Variants in IPO11 observed in about 807,000 individuals in gnomAD.
IPO11 encodes the protein importin-11.
In IPO11, 66 loss-of-function variants were observed where a neutral mutation model predicts 143.2. The observed-to-expected ratio is 0.46, with a 90% CI of 0.38 to 0.57. IPO11 has a LOEUF of 0.57. Ranked by LOEUF, IPO11 falls within the 20% of genes least tolerant of loss-of-function variation. The pLI is 0.00. For synonymous variants in IPO11, 385 were observed against 377.8 expected (o/e 1.02, Z -0.22); for missense variants, 1,026 against 1,141.0 (o/e 0.90, Z 1.45).
chr5:62,503,938 C>T (rs1741450073), intron 16 of IPO11, among the ~76,000 whole-genome samples: 1 of 152,298 alleles, frequency 6.6e-6, no homozygotes, highest in Admixed American at 6.5e-5. Context: ...GATATATTAT[C>T]TCACAGATTG....
intron 27 of IPO11, among the ~76,000 whole-genome samples, chr5:62,573,874 G>A (rs969081568): frequency 8.5e-5 from 13 of 152,126 alleles, no homozygotes; most frequent in African/African-American, 2.9e-4. Context: ...CTTCAGCACT[G>A]GTGGCTTAAC....
intron 26 of IPO11, among the ~76,000 whole-genome samples, chr5:62,558,249 CAT>C (rs546086604): frequency 1.1e-3 from 172 of 152,246 alleles, no homozygotes; most frequent in African/African-American, 3.8e-3. Context: ...ATTGTAAACA[CAT>C]GTTTTGAATC....
At chr5:62,541,680 CA>C (rs891837949) in intron 24 of IPO11, among the ~76,000 whole-genome samples, 85 of 135,594 alleles carry the variant, frequency 6.3e-4, no homozygotes, top group Admixed American at 8.1e-4. Flanking sequence ...GACCCTGTTT[CA>C]AAAAAAAAAA....
At chr5:62,571,689 T>C (rs1011030012) in intron 27 of IPO11, among the ~76,000 whole-genome samples, 2 of 140,958 alleles carry the variant, frequency 1.4e-5, no homozygotes, top group African/African-American at 5.2e-5. Context: ...ATTATTAAAC[T>C]TTTTTTTTTT....
chr5:62,431,607 A>T (rs1743990035), intron 1 of IPO11, among the ~76,000 whole-genome samples: 1 of 152,094 alleles, frequency 6.6e-6, no homozygotes, highest in South Asian at 2.1e-4. Context: ...AGTCAAGATG[A>T]TGCCAGCTGT....
At chr5:62,567,837 C>G (rs1233502536) in intron 27 of IPO11, among the ~76,000 whole-genome samples, 2 of 151,778 alleles carry the variant, frequency 1.3e-5, no homozygotes, top group Admixed American at 6.6e-5. Context: ...GCTGGGATTA[C>G]AGGCGTGAGC....
intron 12 of IPO11, among the ~76,000 whole-genome samples, chr5:62,486,379 G>C (rs1369827349): frequency 6.6e-6 from 1 of 152,112 alleles, no homozygotes; most frequent in Admixed American, 6.5e-5. Context: ...GAAAATGTTT[G>C]TCAAACTGAA....
intron 27 of IPO11, among the ~76,000 whole-genome samples, chr5:62,591,323 C>CT (rs1350652961): frequency 6.6e-6 from 1 of 151,850 alleles, no homozygotes; most frequent in African/African-American, 2.4e-5. Context: ...TGTTATAAAT[C>CT]TAAGAATATT....
chr5:62,496,202 C>T (rs565784281), intron 16 of IPO11, among the ~76,000 whole-genome samples: 11 of 151,608 alleles, frequency 7.3e-5, no homozygotes, highest in Admixed American at 2.0e-4. Context: ...GCAGGAGAAT[C>T]GCTTGAACCT....
At chr5:62,521,090 T>C (rs1742187100) in intron 20 of IPO11, among the ~76,000 whole-genome samples, 1 of 152,250 alleles carries the variant, frequency 6.6e-6, no homozygotes, top group South Asian at 2.1e-4. Flanking sequence ...TTATGTGCTC[T>C]AGTTTGGACT....
At chr5:62,568,471 G>A (rs1580334045) in intron 27 of IPO11, among the ~76,000 whole-genome samples, 1 of 149,436 alleles carries the variant, frequency 6.7e-6, no homozygotes, top group Non-Finnish European at 1.5e-5. Flanking sequence ...CTACTCGGGA[G>A]GCTGAGGCTG....
intron 1 of IPO11, chr5:62,413,532 C>G (rs571227488): frequency 1.3e-5 from 2 of 152,084 alleles, no homozygotes; most frequent in Non-Finnish European, 1.5e-5. Context: ...TTGCTTATTA[C>G]GTGTGTCATT....
intron 27 of IPO11, among the ~76,000 whole-genome samples, chr5:62,567,229 T>C (rs185412216): frequency 1.3e-5 from 2 of 152,278 alleles, no homozygotes; most frequent in East Asian, 3.9e-4. Flanking sequence ...TTCAGCACTT[T>C]GAACATGTCA....
intron 2 of IPO11, among the ~76,000 whole-genome samples, chr5:62,441,851 CT>C (rs35792043): frequency 0.063 from 9,049 of 142,980 alleles, 367 homozygotes; most frequent in East Asian, 0.14. Context: ...TGCTATCAAA[CT>C]TTTTTTTTTT....
chr5:62,557,274 C>T (rs959762480), intron 26 of IPO11, among the ~76,000 whole-genome samples: 3 of 152,132 alleles, frequency 2.0e-5, no homozygotes, highest in African/African-American at 4.8e-5. Flanking sequence ...ACCTCCACCT[C>T]CCGGGTTCAA....
chr5:62,514,374 G>A lies in IPO11; in HGVS notation c.1783-1014G>A, dbSNP rs1741921774. ...GGAGGCCGAGGCTGGCGGAACACTC[G>A]CGGCTAGGAGCTGGAGACCAGTCTG... On this transcript the variant is annotated intron_variant, in intron 19 of 29. Transcript: ENST00000325324. Among the ~76,000 whole-genome samples the A allele has an allele frequency of 2.0e-5, 3 of 152,004 alleles. No homozygotes were observed. The South Asian group carries it at 6.2e-4, about 31-fold the overall frequency.
intron 5 of IPO11, among the ~76,000 whole-genome samples, chr5:62,462,073 T>C (rs183448245): frequency 3.2e-4 from 48 of 152,320 alleles, no homozygotes; most frequent in Non-Finnish European, 5.9e-4. Context: ...GAGATCTAAC[T>C]TTGCCATTAA....
intron 27 of IPO11, among the ~76,000 whole-genome samples, chr5:62,576,755 C>A (rs1397159302): frequency 6.6e-6 from 1 of 152,196 alleles, no homozygotes; most frequent in Non-Finnish European, 1.5e-5. Context: ...TGCACTCCAA[C>A]CCAGCCGACA....
Position 62,551,332 on chromosome 5 carries a change from A to G in IPO11, c.2456A>G (p.Gln819Arg), listed in dbSNP as rs779300486. 1.3e-5 allele frequency: 19 copies of G among 1,482,528 alleles called. No homozygotes were observed. In the East Asian group the frequency reaches 3.6e-4, roughly 28 times the overall value. The allele number at this position is 1,482,528 out of a possible 1,614,324, so 91.8% of individuals were successfully genotyped here. ...AATGAGATGGCCCATAAATTTAATC[A>G]GGAGGTAAGAATCAATATACTTAAA... ...LLNEMAHKFNQEMDQLLGNMI... is the reference protein window; with the variant it reads ...LLNEMAHKFNREMDQLLGNMI... The change falls in exon 26 of 30, where the codon CAG becomes CGG. Residue 819 changes from glutamine to arginine, a missense_variant. Transcript: ENST00000325324.
Sources: allele counts gnomAD v4.1 joint callset (sites outside exome capture counted in the v4.1 genomes callset), GRCh38; gene constraint gnomAD v4.1.1; transcripts MANE v1.5; gene names NCBI Gene and HGNC (gene_info 2026-07-23, HGNC 2026-07-21).